Variants in ADGRV1 observed in about 807,000 individuals in gnomAD.
ADGRV1 encodes adhesion G protein-coupled receptor V1, also known as G-protein coupled receptor 98.
ADGRV1 carries 359 observed loss-of-function variants against 596.2 expected under a neutral mutation model. The observed-to-expected ratio is 0.60, with a 90% CI of 0.55 to 0.66. ADGRV1 has a LOEUF of 0.66. Ranked by LOEUF, ADGRV1 falls within the 30% of genes least tolerant of loss-of-function variation. The pLI, the probability that ADGRV1 is intolerant of heterozygous loss-of-function variation, is 0.00. For missense variants in ADGRV1, 7,274 were observed against 7,575.6 expected, an observed-to-expected ratio of 0.96 and a Z score of 1.48; for synonymous variants, 2,681 against 2,679.2, an observed-to-expected ratio of 1.00 and a Z score of -0.02.
chr5:90,685,639 T>TAAATAAAA (rs1179187076), intron 28 of ADGRV1, 141 bp from the exon 29 acceptor site: 96 of 259,290 alleles, frequency 3.7e-4, no homozygotes, highest in African/African-American at 2.3e-3. Flanking sequence ...AATAAATAAA[T>TAAATAAAA]AAAATAAATA....
chr5:91,003,636 A>G (rs2367184), intron 85 of ADGRV1, among the ~76,000 whole-genome samples: 21,016 of 152,162 alleles, frequency 0.14, 1,959 homozygotes, highest in African/African-American at 0.24. Flanking sequence ...ATGTGTGTAC[A>G]CACTAAAATT....
chr5:91,014,136 C>CACACACACACACACACACACACA (rs1782962720), intron 85 of ADGRV1, among the ~76,000 whole-genome samples: 92 of 35,698 alleles, frequency 2.6e-3, no homozygotes, highest in African/African-American at 7.2e-3. Context: ...TTCACAATTG[C>CACACACACACACACACACACACA]CACACACACA....
intron 85 of ADGRV1, among the ~76,000 whole-genome samples, chr5:91,009,755 A>G (rs2151141590): frequency 6.6e-6 from 1 of 152,258 alleles, no homozygotes. Context: ...ATGTGTTTAT[A>G]AAATAGTACT....
chr5:90,891,209 C>A (rs528498591), intron 83 of ADGRV1, among the ~76,000 whole-genome samples: 32 of 148,196 alleles, frequency 2.2e-4, no homozygotes, highest in African/African-American at 7.9e-4. Context: ...TATATAAAAG[C>A]CAGCATTTAG....
chr5:90,720,858 C>A, intron 44 of ADGRV1, 77 bp from the exon 45 acceptor site: 3 of 1,211,104 alleles, frequency 2.5e-6, no homozygotes, highest in Non-Finnish European at 3.4e-6. Flanking sequence ...TAAGTATATG[C>A]TAGCAATATG....
In ADGRV1 at chr5:90,653,516, A is replaced by C; in HGVS notation, c.3942A>C (p.Leu1314Phe). 3 of 1,613,932 alleles carry C rather than the reference A, an allele frequency of 1.9e-6. No individual in the cohort carries two copies. The highest frequency in any genetic ancestry group is 8.5e-7 in the Non-Finnish European group (1 of 1,179,864). Residue 1314 changes from leucine (L) to phenylalanine (F), a missense_variant, in exon 20 of 90, where the codon TTA becomes TTC. This residue lies in a region of ADGRV1 where 1,715 missense variants were observed against 1,708.8 expected (regional missense o/e 1.00). Coordinates refer to ENST00000405460, the MANE Select transcript of ADGRV1 (RefSeq NM_032119.4). The part of the protein sequence containing the change: ...LVGIFPTTVH[L>F]QQHMRRHHSG... ...GAATTTTCCCCACCACCGTGCATTT[A>C]CAACAGCACATGCGGCGTCACCACA...
intron 83 of ADGRV1, among the ~76,000 whole-genome samples, chr5:90,866,313 A>ATGTGTGTGTGTG (rs768538026): frequency 2.0e-3 from 40 of 20,512 alleles, no homozygotes; most frequent in African/African-American, 4.1e-3. Context: ...GTGTATGTGT[A>ATGTGTGTGTGTG]TATGTGTGTG....
At chr5:90,926,138 T>C (rs1005391411) in intron 83 of ADGRV1, among the ~76,000 whole-genome samples, 4 of 149,138 alleles carry the variant, frequency 2.7e-5, no homozygotes, top group African/African-American at 9.9e-5. Context: ...AGAATGATGC[T>C]GGCCTCATAA....
chr5:91,080,054 T>C (rs1789207035), intron 86 of ADGRV1, among the ~76,000 whole-genome samples: 1 of 152,136 alleles, frequency 6.6e-6, no homozygotes, highest in Admixed American at 6.6e-5. Flanking sequence ...TTAATATATA[T>C]ATATATGTAC....
intron 77 of ADGRV1, among the ~76,000 whole-genome samples, chr5:90,829,872 A>G (rs73179329): frequency 0.016 from 2,456 of 152,172 alleles, 72 homozygotes; most frequent in African/African-American, 0.057. Context: ...ATCATAGCTG[A>G]CCCACCTTAG....
At chr5:90,662,051 A>G (rs1456667206) in intron 21 of ADGRV1, among the ~76,000 whole-genome samples, 1 of 152,154 alleles carries the variant, frequency 6.6e-6, no homozygotes, top group Non-Finnish European at 1.5e-5. Flanking sequence ...CTGAATTAGA[A>G]AACCTTTTTA....
At chr5:90,755,524 C>G (rs1164716584) in intron 55 of ADGRV1, among the ~76,000 whole-genome samples, 1 of 151,782 alleles carries the variant, frequency 6.6e-6, no homozygotes, top group Non-Finnish European at 1.5e-5. Flanking sequence ...AGTGAAATGC[C>G]CAAATCAATC....
chr5:90,814,586 G>A (rs1321963199), intron 74 of ADGRV1, among the ~76,000 whole-genome samples: 28 of 152,146 alleles, frequency 1.8e-4, no homozygotes, highest in Admixed American at 1.8e-3. Context: ...GTGAGTTCTC[G>A]TGAGATCTGA....
At chr5:91,093,431 G>C (rs1790553138) in intron 86 of ADGRV1, among the ~76,000 whole-genome samples, 2 of 152,206 alleles carry the variant, frequency 1.3e-5, no homozygotes. Flanking sequence ...CAAGCTTTCA[G>C]ATGAAAAGAG....
intron 83 of ADGRV1, among the ~76,000 whole-genome samples, chr5:90,880,801 G>A (rs186910988): frequency 3.2e-3 from 491 of 152,244 alleles, no homozygotes; most frequent in African/African-American, 0.01. Context: ...AATATTGTCC[G>A]TATGTCAGGA....
intron 5 of ADGRV1, among the ~76,000 whole-genome samples, chr5:90,623,567 ATGCCCAGCTAAGTTT>A (rs1764364211): frequency 6.6e-6 from 1 of 152,088 alleles, no homozygotes; most frequent in African/African-American, 2.4e-5. Context: ...GTGCATCACC[ATGCCCAGCTAAGTTT>A]TAATGTTTTT....
chr5:90,736,421 G>T (rs1753227734), intron 50 of ADGRV1, among the ~76,000 whole-genome samples: 2 of 151,898 alleles, frequency 1.3e-5, no homozygotes, highest in Admixed American at 1.3e-4. Context: ...AGAGATATTG[G>T]CCTGTAATTT....
intron 1 of ADGRV1, among the ~76,000 whole-genome samples, chr5:90,588,887 T>A (rs1350024421): frequency 6.6e-6 from 1 of 152,182 alleles, no homozygotes; most frequent in Non-Finnish European, 1.5e-5. Flanking sequence ...CATTGAAAAC[T>A]TTAACTCGGA....
intron 87 of ADGRV1, among the ~76,000 whole-genome samples, chr5:91,146,734 T>A (rs1355840481): frequency 6.6e-6 from 1 of 152,232 alleles, no homozygotes. Flanking sequence ...GATGGGAAAA[T>A]ATGGTACTTT....
Sources: gnomAD v4.1 joint callset for allele counts (sites outside exome capture counted in the v4.1 genomes callset) on GRCh38, gnomAD v4.1.1 for gene constraint, gnomAD v4.1.1 regional missense constraint, MANE v1.5 for transcripts, NCBI Gene and HGNC (gene_info 2026-07-23, HGNC 2026-07-21) for gene names.